The following PHF8 variants were observed in gnomAD, a reference collection of about 807,000 sequenced individuals.
The protein encoded by PHF8 is PHD finger protein 8.
A neutral mutation model predicts 74.4 loss-of-function variants in PHF8; 9 were observed. The observed-to-expected ratio is 0.12, with a 90% CI of 0.07 to 0.21. PHF8 has a LOEUF of 0.21. Among genes scored for constraint, PHF8 ranks in the 10% least tolerant of loss-of-function variants. PHF8 has a pLI of 1.00. For synonymous variants in PHF8, 311 were observed against 316.6 expected (o/e 0.98, Z 0.19); for missense variants, 478 against 816.6 (o/e 0.59, Z 5.05).
intron 18 of PHF8, among the ~76,000 whole-genome samples, chrX:53,981,214 A>AAAAC (rs1458962626): frequency 8.9e-6 from 1 of 112,400 alleles, no homozygotes; most frequent in Non-Finnish European, 1.9e-5. Flanking sequence ...ACTCGGTCTC[A>AAAAC]AAACAAACAA....
At chrX:53,972,688 T>A (rs1439160459) in intron 18 of PHF8, among the ~76,000 whole-genome samples, 2 of 111,271 alleles carry the variant, frequency 1.8e-5, no homozygotes, top group Non-Finnish European at 1.9e-5. Flanking sequence ...ACAGCCAGTA[T>A]CATACTAAAT....
chrX:54,045,503 G>A (rs1178566593), upstream of PHF8, among the ~76,000 whole-genome samples: 1 of 112,442 alleles, frequency 8.9e-6, no homozygotes, highest in East Asian at 2.8e-4. Flanking sequence ...GCCAGTGCAG[G>A]AAACAAAGTT....
At chrX:54,016,921 T>G (rs1245406147) in intron 5 of PHF8, among the ~76,000 whole-genome samples, 185 bp from the exon 6 acceptor site, 2 of 112,166 alleles carry the variant, frequency 1.8e-5, no homozygotes, top group Admixed American at 1.9e-4. Context: ...TAGATCTATG[T>G]GCCCTGCTAG....
intron 14 of PHF8, 100 bp from the exon 15 acceptor site, chrX:53,988,044 C>T: frequency 1.5e-6 from 1 of 658,291 alleles, no homozygotes. Context: ...CAATACAATC[C>T]CTATCAAAAT....
intron 18 of PHF8, among the ~76,000 whole-genome samples, chrX:53,981,690 C>T (rs1291718424): frequency 9.0e-6 from 1 of 111,678 alleles, no homozygotes; most frequent in Non-Finnish European, 1.9e-5. Flanking sequence ...GACTATAATG[C>T]CGGGTACAAA....
In PHF8 at chrX:54,043,759, T is replaced by TA. The variant is rs1235660810; in HGVS notation, c.-93+2dup. Reference sequence around the variant, plus strand: ...TAATAGCCTCGCAGCCCCCAAAACTTACAGGAATCTTAACGCTTCCCCAAC... The same window carrying TA: ...TAATAGCCTCGCAGCCCCCAAAACTTAACAGGAATCTTAACGCTTCCCCAAC... On this transcript the variant is annotated splice_region_variant and intron_variant, in intron 1 of 21. Coordinates refer to ENST00000338154, the MANE Select transcript of PHF8 (RefSeq NM_015107.3). 2 of 715,220 alleles carry TA rather than the reference T, an allele frequency of 2.8e-6. No individual in the cohort carries two copies. Among genetic ancestry groups the TA allele is most frequent in the African/African-American group, 4.7e-5 (2 of 42,389 alleles). 58.9% of individuals were successfully genotyped at this position (715,220 alleles called of 1,213,427 possible).
chrX:53,980,800 TGAA>T (rs1313784666), intron 18 of PHF8, among the ~76,000 whole-genome samples: 1 of 112,272 alleles, frequency 8.9e-6, no homozygotes, highest in Non-Finnish European at 1.9e-5. Flanking sequence ...AGAAATAAAC[TGAA>T]GAAGAAATAA....
chrX:53,977,988 C>A (rs1323619930), intron 18 of PHF8, among the ~76,000 whole-genome samples: 2 of 101,556 alleles, frequency 2.0e-5, no homozygotes, highest in African/African-American at 3.6e-5. Context: ...TCTGTCCCCC[C>A]AGGCTGGAGT....
rs11329889 is a variant in PHF8, at chrX:53,957,190, CAA to C, written c.2539+5652_2539+5653del. Among the ~76,000 whole-genome samples, 397 of 81,496 alleles carry C rather than the reference CAA, an allele frequency of 4.9e-3. 7 individuals are homozygous for C. Among genetic ancestry groups the C allele is most frequent in the African/African-American group, 0.015 (373 of 24,454 alleles). The allele number at this position is 81,496 out of a possible 115,157, so 70.8% of individuals were successfully genotyped here. ...TGAAATGCCGTCTCTACTAAAAATA[CAA>C]AAAAAAAAAAAAAATTAGCTGGGTG... On this transcript the variant is annotated intron_variant, in intron 19 of 21. Transcript: ENST00000338154.
intron 14 of PHF8, among the ~76,000 whole-genome samples, chrX:53,991,683 A>C (rs1354854530): frequency 7.6e-5 from 8 of 105,449 alleles, no homozygotes; most frequent in East Asian, 5.9e-4. Context: ...AAAAAAAAAA[A>C]AACAAAACTT....
At chrX:53,945,997 T>C (rs2064827445) in intron 19 of PHF8, among the ~76,000 whole-genome samples, 1 of 111,927 alleles carries the variant, frequency 8.9e-6, no homozygotes, top group Admixed American at 9.5e-5. Context: ...TATAATGCCT[T>C]ACCAACCTGA....
intron 19 of PHF8, among the ~76,000 whole-genome samples, chrX:53,954,238 G>A (rs912409502): frequency 9.0e-6 from 1 of 110,956 alleles, no homozygotes; most frequent in Non-Finnish European, 1.9e-5. Context: ...GGTGGCTCAC[G>A]CCTGTAATCC....
intron 8 of PHF8, among the ~76,000 whole-genome samples, chrX:54,009,844 GAAAAAAAAAAAA>G (rs782363250): frequency 1.9e-3 from 18 of 9,382 alleles, no homozygotes; most frequent in African/African-American, 2.3e-3. Flanking sequence ...CTCTGTCTCA[GAAAAAAAAAAAA>G]AAAAAAAAAA....
At chrX:53,947,173 G>A (rs1436140212) in intron 19 of PHF8, among the ~76,000 whole-genome samples, 2 of 110,922 alleles carry the variant, frequency 1.8e-5, no homozygotes, top group Non-Finnish European at 3.8e-5. Flanking sequence ...CACCATGCCC[G>A]GCTAATTTTT....
At chrX:54,012,939 CAA>C (rs782357345) in intron 7 of PHF8, among the ~76,000 whole-genome samples, 10 of 38,575 alleles carry the variant, frequency 2.6e-4, no homozygotes, top group Admixed American at 6.9e-4. Context: ...GAGACTGTCT[CAA>C]AAAAAAAAAA....
At position 53,969,763 on chromosome X, in the gene PHF8, A is replaced by C. The variant is rs782249766; in HGVS notation, c.2444-6824T>G. On this transcript the variant is annotated intron_variant, in intron 18 of 21. Transcript: ENST00000338154. ...GTAACCAAAACAGCATGGTACTGGC[A>C]TTAAAACAGATACATGGGCCAACAG... Among the ~76,000 whole-genome samples the C allele has an allele frequency of 2.7e-5, 3 of 112,303 alleles. No homozygotes were observed. In the East Asian group the frequency reaches 8.3e-4, roughly 31 times the overall value.
At chrX:53,967,064 C>A (rs1259659953) in intron 18 of PHF8, among the ~76,000 whole-genome samples, 5 of 102,991 alleles carry the variant, frequency 4.9e-5, no homozygotes, top group Admixed American at 3.1e-4. Context: ...AGTGAGGAGC[C>A]CCTCCGCCCG....
At chrX:53,970,792 C>G (rs1407942104) in intron 18 of PHF8, among the ~76,000 whole-genome samples, 1 of 111,406 alleles carries the variant, frequency 9.0e-6, no homozygotes, top group Non-Finnish European at 1.9e-5. Flanking sequence ...ACAAGAAGAC[C>G]TAACTATCCT....
chrX:54,038,828 GA>G (rs1557115104), intron 2 of PHF8, among the ~76,000 whole-genome samples: 1 of 111,231 alleles, frequency 9.0e-6, no homozygotes, highest in Non-Finnish European at 1.9e-5. Context: ...TGGACTTCAA[GA>G]AATCTATCCT....
Sources: allele counts gnomAD v4.1 joint callset (sites outside exome capture counted in the v4.1 genomes callset), GRCh38; gene constraint gnomAD v4.1.1; transcripts MANE v1.5; gene names NCBI Gene and HGNC (gene_info 2026-07-23, HGNC 2026-07-21).